Variants in CACNA2D1 observed in about 807,000 individuals in gnomAD.
CACNA2D1 encodes voltage-dependent calcium channel subunit alpha-2/delta-1.
A neutral mutation model predicts 171.5 loss-of-function variants in CACNA2D1; 53 were observed. That is an observed-to-expected ratio of 0.31 (90% confidence interval 0.25 to 0.39). The LOEUF is 0.39. Ranked by LOEUF, CACNA2D1 falls within the 10% of genes least tolerant of loss-of-function variation. The pLI is 1.00. For missense variants in CACNA2D1, 903 were observed against 1,299.8 expected, an observed-to-expected ratio of 0.69 and a Z score of 4.69; for synonymous variants, 442 against 443.1, an observed-to-expected ratio of 1.00 and a Z score of 0.03.
intron 1 of CACNA2D1, among the ~76,000 whole-genome samples, chr7:82,416,465 G>T (rs1828180497): frequency 6.6e-6 from 1 of 151,984 alleles, no homozygotes; most frequent in African/African-American, 2.4e-5. Flanking sequence ...CAGGGTTCAG[G>T]ACACTAGAAG....
intron 7 of CACNA2D1, among the ~76,000 whole-genome samples, chr7:82,072,016 A>C (rs1270517238): frequency 6.6e-6 from 1 of 152,174 alleles, no homozygotes; most frequent in African/African-American, 2.4e-5. Flanking sequence ...GGTTACCCTA[A>C]GCACTGATTT....
In CACNA2D1 at chr7:82,083,063, AC is replaced by A; in HGVS notation, c.658+1705del. On this transcript the variant is annotated intron_variant, in intron 7 of 38. Coordinates refer to ENST00000356860, the MANE Select transcript of CACNA2D1 (RefSeq NM_000722.4). The stretch of plus-strand genomic sequence containing the variant: ...CTCCTCTTCTTGTTTTTCTCTTGTA[AC>A]CCTTTTCTCTCTTCCTCTATATCAT... Among the ~76,000 whole-genome samples, 3 of 151,080 alleles carry A rather than the reference AC, an allele frequency of 2.0e-5. No individual in the cohort carries two copies. The South Asian group carries it at 6.3e-4, about 32-fold the overall frequency.
intron 3 of CACNA2D1, among the ~76,000 whole-genome samples, chr7:82,321,613 T>C (rs1298586037): frequency 6.6e-6 from 1 of 152,124 alleles, no homozygotes; most frequent in Non-Finnish European, 1.5e-5. Context: ...GCAATAAAGA[T>C]GGCTCAGCAA....
intron 3 of CACNA2D1, among the ~76,000 whole-genome samples, chr7:82,295,095 G>A (rs998134866): frequency 6.6e-6 from 1 of 152,046 alleles, no homozygotes; most frequent in Admixed American, 6.6e-5. Context: ...CGTTTTTGGA[G>A]AACACCTATA....
intron 12 of CACNA2D1, among the ~76,000 whole-genome samples, chr7:82,017,329 T>C (rs1326491756): frequency 6.6e-6 from 1 of 152,170 alleles, no homozygotes; most frequent in Non-Finnish European, 1.5e-5. Context: ...CGCCATACCA[T>C]TGTTGAACTT....
At chr7:82,410,082 T>C (rs1159224391) in intron 1 of CACNA2D1, among the ~76,000 whole-genome samples, 1 of 152,216 alleles carries the variant, frequency 6.6e-6, no homozygotes, top group Non-Finnish European at 1.5e-5. Flanking sequence ...TTGAATAAAA[T>C]GTCATTATTT....
chr7:81,946,593 T>G lies in CACNA2D1; in HGVS notation c.*3799A>C, dbSNP rs1040193071. On this transcript the variant is annotated 3_prime_UTR_variant, in exon 39 of 39. Transcript: ENST00000356860. ...AGGCTAGGTAATTTTCACAAAAGTG[T>G]CAAGAGAACAAAATAAAGGGGAGAA... is the stretch of plus-strand genomic sequence containing the variant. The G allele has an allele frequency of 6.6e-6, 1 of 152,118 alleles. No homozygotes were observed. The highest frequency in any genetic ancestry group is 1.5e-5 in the Non-Finnish European group (1 of 68,002). 9.4% of individuals were successfully genotyped at this position (152,118 alleles called of 1,614,324 possible).
rs1195619380 is a variant in CACNA2D1, at chr7:81,959,724, C to T, written c.3072G>A (p.Gln1024=). 5 of 1,611,602 alleles carry T rather than the reference C, an allele frequency of 3.1e-6. No individual in the cohort carries two copies. In the South Asian group the frequency reaches 4.4e-5, roughly 14 times the overall value. The stretch of plus-strand genomic sequence containing the variant: ...AGCTCTGATGTCAAAGGATACAAGT[C>T]TGCTCCGCTTGTATGAGCAGTCGTG... ...CDTRLLIQAE[Q]TSDGPNPCDM... The change falls in exon 37 of 39, where the codon CAG becomes CAA. Residue 1024 remains glutamine, a synonymous_variant. Transcript: ENST00000356860.
chr7:82,059,256 C>G (rs1013239735), intron 10 of CACNA2D1, among the ~76,000 whole-genome samples: 1 of 152,058 alleles, frequency 6.6e-6, no homozygotes, highest in Non-Finnish European at 1.5e-5. Flanking sequence ...AATATTTTGC[C>G]TAAATTCTAT....
At chr7:82,003,665 A>T (rs1165264541) in intron 18 of CACNA2D1, among the ~76,000 whole-genome samples, 1 of 150,534 alleles carries the variant, frequency 6.6e-6, no homozygotes, top group African/African-American at 2.4e-5. Context: ...TCTGTCTATG[A>T]TATATGTTAG....
intron 4 of CACNA2D1, among the ~76,000 whole-genome samples, chr7:82,145,505 G>GTA (rs1563114268): frequency 2.1e-5 from 3 of 142,654 alleles, no homozygotes; most frequent in African/African-American, 7.5e-5. Context: ...TACAGAATGT[G>GTA]TGTATGTATG....
intron 3 of CACNA2D1, among the ~76,000 whole-genome samples, chr7:82,247,124 C>T (rs1376644167): frequency 1.3e-5 from 2 of 152,094 alleles, no homozygotes; most frequent in African/African-American, 4.8e-5. Flanking sequence ...TGGGGAAATA[C>T]AATTACAGTA....
intron 31 of CACNA2D1, 127 bp from the exon 32 acceptor site, chr7:81,965,792 A>G: frequency 1.4e-6 from 1 of 690,418 alleles, no homozygotes; most frequent in South Asian, 1.5e-5. Context: ...CTTCTCTTGA[A>G]CATATATGTT....
At chr7:82,442,354 G>C (rs563211628) in intron 1 of CACNA2D1, among the ~76,000 whole-genome samples, 6 of 152,282 alleles carry the variant, frequency 3.9e-5, no homozygotes, top group African/African-American at 1.2e-4. Context: ...ATGCATTAAA[G>C]TGACTCATCC....
intron 3 of CACNA2D1, among the ~76,000 whole-genome samples, chr7:82,273,466 C>G (rs1303061900): frequency 6.6e-6 from 1 of 151,116 alleles, no homozygotes; most frequent in African/African-American, 2.4e-5. Flanking sequence ...TATATCTTCT[C>G]TATAATATAA....
intron 1 of CACNA2D1, among the ~76,000 whole-genome samples, chr7:82,431,399 G>A (rs888189066): frequency 2.6e-5 from 4 of 152,088 alleles, no homozygotes; most frequent in African/African-American, 7.2e-5. Flanking sequence ...TAATCCTCAC[G>A]ATAACATTGG....
intron 1 of CACNA2D1, among the ~76,000 whole-genome samples, chr7:82,412,437 T>C (rs1827774835): frequency 1.3e-5 from 2 of 151,872 alleles, no homozygotes; most frequent in South Asian, 2.1e-4. Flanking sequence ...CACGGGCCAC[T>C]AGCCCATCTA....
chr7:81,962,038 G>A lies in CACNA2D1; in HGVS notation c.2837-15C>T, dbSNP rs758929500. 3.7e-6 allele frequency: 6 copies of A among 1,611,914 alleles called. No individual in the cohort carries two copies. Among genetic ancestry groups the A allele is most frequent in the Admixed American group, 3.3e-5 (2 of 59,766 alleles). ...CTCCATCTCAACTTGGGTGGCGGGG[G>A]ACGGTGTAAAAACAAAGAACACCAT... On this transcript the variant is annotated splice_polypyrimidine_tract_variant and intron_variant, in intron 35 of 38. Coordinates refer to ENST00000356860, the MANE Select transcript of CACNA2D1 (RefSeq NM_000722.4).
chr7:82,291,547 A>G (rs1811606692), intron 3 of CACNA2D1, among the ~76,000 whole-genome samples: 1 of 138,010 alleles, frequency 7.2e-6, no homozygotes, highest in Non-Finnish European at 1.5e-5. Flanking sequence ...TGATATATAG[A>G]TATATATAAA....
Sources: gnomAD v4.1 joint callset for allele counts (sites outside exome capture counted in the v4.1 genomes callset) on GRCh38, gnomAD v4.1.1 for gene constraint, MANE v1.5 for transcripts, NCBI Gene and HGNC (gene_info 2026-07-23, HGNC 2026-07-21) for gene names.